The following ERCC6 variants were observed in gnomAD, a reference collection of about 807,000 sequenced individuals.
ERCC6 encodes ERCC excision repair 6, chromatin remodeling factor.
In ERCC6, 116 loss-of-function variants were observed where a neutral mutation model predicts 158.7. The ratio of observed to expected loss-of-function variants is 0.73; its 90% CI spans 0.63 to 0.85. ERCC6 has a LOEUF of 0.85. ERCC6 is among the 40% of genes least tolerant of loss of function. The pLI is 0.00. For missense variants in ERCC6, 1,698 were observed against 1,799.4 expected (o/e 0.94, Z 1.02); for synonymous variants, 678 against 659.3 (o/e 1.03, Z -0.43).
At chr10:49,506,084 A>C in intron 5 of ERCC6, 72 bp from the exon 6 acceptor site, 1 of 1,583,048 alleles carries the variant, frequency 6.3e-7, no homozygotes. Flanking sequence ...AGCTCCTGAT[A>C]ATGTACAAGA....
chr10:49,475,331 T>G, intron 12 of ERCC6: 1 of 402,692 alleles, frequency 2.5e-6, no homozygotes, highest in Non-Finnish European at 4.9e-6. Flanking sequence ...TTTCACCTGT[T>G]TCTCTTTTTC....
At chr10:49,471,469 G>T (rs1850779953) in intron 16 of ERCC6, among the ~76,000 whole-genome samples, 1 of 152,018 alleles carries the variant, frequency 6.6e-6, no homozygotes, top group Admixed American at 6.6e-5. Flanking sequence ...GTCCTGCCCT[G>T]CCTAGAACCT....
chr10:49,474,917 C>A (rs1564420432), intron 12 of ERCC6, among the ~76,000 whole-genome samples: 1 of 152,136 alleles, frequency 6.6e-6, no homozygotes, highest in Non-Finnish European at 1.5e-5. Context: ...GAGGATGATT[C>A]AAATCAAACT....
At chr10:49,521,925 AG>A (rs996984258) in intron 5 of ERCC6, among the ~76,000 whole-genome samples, 1 of 152,204 alleles carries the variant, frequency 6.6e-6, no homozygotes, top group African/African-American at 2.4e-5. Flanking sequence ...TGCCAGTGAA[AG>A]GCCGATGGCT....
chr10:49,467,624 G>C (rs1850700697), intron 18 of ERCC6, among the ~76,000 whole-genome samples: 1 of 152,032 alleles, frequency 6.6e-6, no homozygotes, highest in Non-Finnish European at 1.5e-5. Flanking sequence ...GGAGTGCAGT[G>C]GCATGATCAC....
rs1484393882 is a variant in ERCC6, at chr10:49,532,338, TCTAACTACCATGTA to T, written c.422+191_422+204del. Among the ~76,000 whole-genome samples, 4 of 152,176 alleles carry T rather than the reference TCTAACTACCATGTA, an allele frequency of 2.6e-5. No individual in the cohort carries two copies. In the East Asian group the frequency reaches 7.7e-4, roughly 29 times the overall value. On this transcript the variant is annotated intron_variant, in intron 2 of 20. Transcript: ENST00000355832. ...TGGCTTTCACGAGCTGGACAGAGACTCTAACTACCATGTACAATGCCACTCCTAAGGGGAAGGGC... is the reference window on the plus strand; with the variant it reads ...TGGCTTTCACGAGCTGGACAGAGACTCAATGCCACTCCTAAGGGGAAGGGC...
intron 1 of ERCC6, among the ~76,000 whole-genome samples, chr10:49,535,090 G>A (rs1837566668): frequency 6.6e-6 from 1 of 152,186 alleles, no homozygotes. Flanking sequence ...CTGATATATA[G>A]GAGGTGCTCA....
rs4253167 is a variant in ERCC6, at chr10:49,481,894, T to C, written c.2169+793A>G. On this transcript the variant is annotated intron_variant, in intron 10 of 20. Coordinates refer to ENST00000355832, the MANE Select transcript of ERCC6 (RefSeq NM_000124.4). ...CAGGTCCTCATGGCCCTCACCCCAG[T>C]GGTTCCTGCAGGTCACTCAGTGCCA... Among the ~76,000 whole-genome samples, 575 of 152,302 alleles carry C rather than the reference T, an allele frequency of 3.8e-3. 6 individuals are homozygous for C. The highest frequency in any genetic ancestry group is 5.3e-3 in the Admixed American group (81 of 15,296).
intron 5 of ERCC6, chr10:49,516,731 A>G: frequency 6.2e-7 from 1 of 1,614,136 alleles, no homozygotes; most frequent in Non-Finnish European, 8.5e-7. Flanking sequence ...GTGGTGCTGT[A>G]ACTCTACCTG....
intron 5 of ERCC6, among the ~76,000 whole-genome samples, chr10:49,520,834 T>A (rs930253115): frequency 6.6e-6 from 1 of 152,276 alleles, no homozygotes; most frequent in Non-Finnish European, 1.5e-5. Context: ...GCAATCCAAA[T>A]GAGAACCCTG....
chr10:49,502,542 T>C (rs1851372941), intron 6 of ERCC6: 2 of 152,178 alleles, frequency 1.3e-5, no homozygotes, highest in Non-Finnish European at 2.9e-5. Context: ...CAGCACACTT[T>C]ATAATTAGGA....
Position 49,530,736 on chromosome 10 carries a change from C to A in ERCC6, c.527G>T (p.Arg176Leu). The A allele has an allele frequency of 1.2e-6, 2 of 1,613,310 alleles. No homozygotes were observed. The highest frequency in any genetic ancestry group is 2.2e-5 in the South Asian group (2 of 90,990). Residue 176 changes from arginine (R) to leucine (L), a missense_variant, in exon 3 of 21, where the codon CGA becomes CTA. Coordinates refer to ENST00000355832, the MANE Select transcript of ERCC6 (RefSeq NM_000124.4). ...DINRKLDSVK[R>L]QKYNKEQQLK... Reference sequence around the variant, plus strand: ...CTGAATCACCTTATTATACTTCTGTCGTTTTACAGAATCTAGTTTCCTGTT... The same window carrying A: ...CTGAATCACCTTATTATACTTCTGTAGTTTTACAGAATCTAGTTTCCTGTT...
rs777790671 is a variant in ERCC6, at chr10:49,515,447, G to T, written c.1397+8586C>A. The T allele has an allele frequency of 6.2e-6, 10 of 1,614,086 alleles. No homozygotes were observed. The East Asian group carries it at 6.7e-5, about 11-fold the overall frequency. ...CGCATCGCGTTTGCTTTCCCTGTTT[G>T]ACTATCACATGATTTATGCCATCAT... On this transcript the variant is annotated intron_variant, in intron 5 of 20. Transcript: ENST00000355832.
At chr10:49,472,279 C>G (rs1169283977) in intron 16 of ERCC6, 97 bp downstream of exon 16, 11 of 1,062,128 alleles carry the variant, frequency 1.0e-5, no homozygotes, top group Non-Finnish European at 1.6e-5. Flanking sequence ...AACTATTATT[C>G]TAAGATGTTA....
intron 10 of ERCC6, 52 bp from the exon 11 acceptor site, chr10:49,478,522 T>C: frequency 3.6e-6 from 4 of 1,110,848 alleles, no homozygotes; most frequent in Non-Finnish European, 5.5e-6. Flanking sequence ...AAGGAACGCA[T>C]TTGTTCTTAC....
rs371499959 is a variant in ERCC6 at position 49,513,989 on chromosome 10, C to T, written c.1398-7977G>A. Among the ~76,000 whole-genome samples the T allele has an allele frequency of 3.3e-5, 5 of 152,088 alleles. No individual in the cohort carries two copies. In the East Asian group the frequency reaches 5.8e-4, roughly 18 times the overall value. On this transcript the variant is annotated intron_variant, in intron 5 of 20. Coordinates refer to ENST00000355832, the MANE Select transcript of ERCC6 (RefSeq NM_000124.4). ...CTATATTCCTATCTGTTACATAATA[C>T]TGTCTTCAAAAAAGTATTTTCCAAA... is the stretch of plus-strand genomic sequence containing the variant.
chr10:49,445,317 C>T, the ERCC6 span, among the ~76,000 whole-genome samples: 1 of 152,036 alleles, frequency 6.6e-6, no homozygotes, highest in African/African-American at 2.4e-5. Context: ...CTGGCAAATG[C>T]GGGGCTAGAG....
intron 5 of ERCC6, among the ~76,000 whole-genome samples, chr10:49,514,140 C>T (rs1225844262): frequency 2.0e-5 from 3 of 152,104 alleles, no homozygotes; most frequent in Admixed American, 6.5e-5. Flanking sequence ...CTTAAAAAAA[C>T]ATCAGGACTA....
intron 1 of ERCC6, among the ~76,000 whole-genome samples, chr10:49,533,977 T>C (rs890594339): frequency 7.9e-5 from 12 of 151,068 alleles, no homozygotes; most frequent in Non-Finnish European, 1.3e-4. Flanking sequence ...CTACTAAAAA[T>C]ACAATAATTG....
Sources: allele counts gnomAD v4.1 joint callset (sites outside exome capture counted in the v4.1 genomes callset), GRCh38; gene constraint gnomAD v4.1.1; transcripts MANE v1.5; gene names NCBI Gene and HGNC (gene_info 2026-07-23, HGNC 2026-07-21).